The following MINDY4B variants were observed in gnomAD, a reference collection of about 807,000 sequenced individuals.
MINDY4B encodes the protein MINDY family member 4B, also known as inactive ubiquitin carboxyl-terminal hydrolase MINDY-4B.
MINDY4B carries 25 observed loss-of-function variants against 16.7 expected under a neutral mutation model. The observed-to-expected ratio is 1.49, with a 90% CI of 1.09 to 2.09. The LOEUF (loss-of-function observed/expected upper bound fraction) is 2.09. Ranked by LOEUF, MINDY4B falls within the 30% of genes most tolerant of loss-of-function variation. The pLI is 0.00. For missense variants in MINDY4B, 327 were observed against 168.4 expected, an observed-to-expected ratio of 1.94 and a Z score of -5.21; for synonymous variants, 132 against 61.9, an observed-to-expected ratio of 2.13 and a Z score of -5.32.
At chr3:150,878,015 G>C (rs1711499358) in intron 10 of MINDY4B, among the ~76,000 whole-genome samples, 1 of 152,082 alleles carries the variant, frequency 6.6e-6, no homozygotes, top group Non-Finnish European at 1.5e-5. Context: ...TTGCCTAGCT[G>C]CTAGCTTTGG....
Position 150,897,810 on chromosome 3 carries a change from G to A in MINDY4B, c.310-3505C>T, listed in dbSNP as rs542729520. Among the ~76,000 whole-genome samples, 11 of 152,314 alleles carry A rather than the reference G, an allele frequency of 7.2e-5. No homozygotes were observed. In the East Asian group the frequency reaches 1.5e-3, roughly 21 times the overall value. Reference sequence around the variant, plus strand: ...CAATAGCACTTCAAGGAGAGGCAGCGAACAGGCACAGAGGCTGCTCTGGAA... The same window carrying A: ...CAATAGCACTTCAAGGAGAGGCAGCAAACAGGCACAGAGGCTGCTCTGGAA... On this transcript the variant is annotated intron_variant, in intron 3 of 11. Coordinates refer to ENST00000465419, the MANE Select transcript of MINDY4B (RefSeq NM_001351281.2).
rs556640603 is a variant in MINDY4B, at chr3:150,904,221, G to A, written c.142-805C>T. 9.2e-5 allele frequency among the ~76,000 whole-genome samples: 14 copies of A among 152,224 alleles called. No homozygotes were observed. The South Asian group carries it at 2.9e-3, about 32-fold the overall frequency. On this transcript the variant is annotated intron_variant, in intron 2 of 11. Transcript: ENST00000465419. ...ATGGGTTTTTCCCACCGTGTGTAAA[G>A]CATAACTTGACTTTTTTTTCTTTTA... is the stretch of plus-strand genomic sequence containing the variant.
chr3:150,876,538 T>C (rs1711497280), intron 10 of MINDY4B, among the ~76,000 whole-genome samples: 1 of 152,210 alleles, frequency 6.6e-6, no homozygotes, highest in South Asian at 2.1e-4. Context: ...CTTTTCTCAC[T>C]GAGTTTGCAG....
At chr3:150,887,883 C>T (rs369986170) in intron 7 of MINDY4B, among the ~76,000 whole-genome samples, 6 of 151,938 alleles carry the variant, frequency 3.9e-5, no homozygotes, top group African/African-American at 1.2e-4. Context: ...TTGAGGCGGG[C>T]GGATCACGAG....
chr3:150,883,645 G>A, intron 9 of MINDY4B, 55 bp downstream of exon 9: 1 of 690,586 alleles, frequency 1.4e-6, no homozygotes, highest in Non-Finnish European at 2.6e-6. Flanking sequence ...AACTCTGCAT[G>A]TGGCATTCAA....
At chr3:150,891,296 T>A in intron 5 of MINDY4B, 193 bp from the exon 6 acceptor site, 1 of 569,926 alleles carries the variant, frequency 1.8e-6, no homozygotes, top group Non-Finnish European at 3.1e-6. Context: ...CTGTCTAGCC[T>A]TCCCAAGAAG....
rs373592450 is a variant in MINDY4B, at chr3:150,885,461, G to A, written c.754-23C>T. The A allele has an allele frequency of 3.3e-5, 23 of 699,370 alleles. No individual in the cohort carries two copies. The African/African-American group carries it at 3.5e-4, about 11-fold the overall frequency. 43.3% of individuals were successfully genotyped at this position (699,370 alleles called of 1,614,324 possible). Reference sequence around the variant, plus strand: ...GAACTGTTCGGAAAAGAAAAGAAAAGCATGTTGGTCTAAAAGCAACACAGA... The same window carrying A: ...GAACTGTTCGGAAAAGAAAAGAAAAACATGTTGGTCTAAAAGCAACACAGA... On this transcript the variant is annotated intron_variant, in intron 7 of 11. Transcript: ENST00000465419.
At chr3:150,881,316 G>A (rs1382417574) in intron 10 of MINDY4B, among the ~76,000 whole-genome samples, 5 of 151,610 alleles carry the variant, frequency 3.3e-5, no homozygotes, top group Admixed American at 2.0e-4. Context: ...CCCAGGAGGC[G>A]GAGGTTGCAG....
chr3:150,901,476 C>T (rs577730782), intron 3 of MINDY4B: 167 of 152,418 alleles, frequency 1.1e-3, no homozygotes, highest in Non-Finnish European at 1.8e-3. Flanking sequence ...AAGAGGAAAG[C>T]AAGGTGGATT....
chr3:150,881,968 T>TA (rs1322079886), intron 10 of MINDY4B, among the ~76,000 whole-genome samples: 1 of 152,080 alleles, frequency 6.6e-6, no homozygotes, highest in East Asian at 1.9e-4. Context: ...GAAAGGCGTT[T>TA]TGAGTGGGAA....
intron 11 of MINDY4B, among the ~76,000 whole-genome samples, chr3:150,872,811 A>G (rs1315062340): frequency 2.1e-4 from 32 of 152,208 alleles, no homozygotes; most frequent in Admixed American, 2.1e-3. Flanking sequence ...GTGAGATAGC[A>G]TCAGCCAATT....
chr3:150,877,401 A>G (rs956230193), intron 10 of MINDY4B, among the ~76,000 whole-genome samples: 1 of 152,212 alleles, frequency 6.6e-6, no homozygotes, highest in Non-Finnish European at 1.5e-5. Flanking sequence ...AAGGAAAGGT[A>G]GTGGCTGCAG....
chr3:150,887,216 G>T (rs1028597226), intron 7 of MINDY4B, among the ~76,000 whole-genome samples: 1 of 152,204 alleles, frequency 6.6e-6, no homozygotes, highest in African/African-American at 2.4e-5. Flanking sequence ...TGACTAATGG[G>T]TATGGAGCGT....
At chr3:150,890,650 G>T in intron 6 of MINDY4B, 1 of 489,080 alleles carries the variant, frequency 2.0e-6, no homozygotes, top group African/African-American at 1.9e-5. Context: ...TTCCTAATAG[G>T]TGAAATTTAG....
chr3:150,900,268 G>A (rs1576616007), intron 3 of MINDY4B, among the ~76,000 whole-genome samples: 1 of 152,228 alleles, frequency 6.6e-6, no homozygotes. Flanking sequence ...GAAAGCAAAG[G>A]TGCGTAGGGT....
rs574052778 is a variant in MINDY4B at position 150,888,840 on chromosome 3, C to T, written c.753+1480G>A. ...GATCCTCTGATCTCAACCGTGGCTA[C>T]GTTTAAGAATTTCTTGCAGATATGG... On this transcript the variant is annotated intron_variant, in intron 7 of 11. Transcript: ENST00000465419. Among the ~76,000 whole-genome samples the T allele has an allele frequency of 1.5e-4, 23 of 152,046 alleles. 1 individual carries two copies. The highest frequency in any genetic ancestry group is 2.6e-4 in the Non-Finnish European group (18 of 68,030).
intron 7 of MINDY4B, among the ~76,000 whole-genome samples, chr3:150,886,776 C>T (rs149740236): frequency 1.1e-4 from 17 of 152,270 alleles, no homozygotes; most frequent in African/African-American, 3.6e-4. Flanking sequence ...TCCTGCCTCC[C>T]GCTTTCCCTT....
chr3:150,892,046 G>C (rs1192752451), intron 5 of MINDY4B, among the ~76,000 whole-genome samples: 14 of 152,280 alleles, frequency 9.2e-5, no homozygotes, highest in Admixed American at 8.5e-4. Context: ...TTTTACTTAG[G>C]AGATGGACTC....
intron 3 of MINDY4B, among the ~76,000 whole-genome samples, chr3:150,899,291 A>G (rs1334299860): frequency 6.6e-6 from 1 of 152,246 alleles, no homozygotes; most frequent in Non-Finnish European, 1.5e-5. Flanking sequence ...AACTTGTACC[A>G]GCCAGCGTCC....
Sources: allele counts gnomAD v4.1 joint callset (sites outside exome capture counted in the v4.1 genomes callset), GRCh38; gene constraint gnomAD v4.1.1; transcripts MANE v1.5; gene names NCBI Gene and HGNC (gene_info 2026-07-23, HGNC 2026-07-21).